TAFA5: variants seen among roughly 807,000 people sequenced by gnomAD.
The protein encoded by TAFA5 is chemokine-like protein TAFA-5.
TAFA5 carries 6 observed loss-of-function variants against 15.3 expected under a neutral mutation model. The ratio of observed to expected loss-of-function variants is 0.39; its 90% CI spans 0.21 to 0.77. The LOEUF (loss-of-function observed/expected upper bound fraction) is 0.77. Ranked by LOEUF, TAFA5 falls within the 30% of genes least tolerant of loss-of-function variation. The probability of loss-of-function intolerance (pLI) is 0.41; values close to 1 mark genes in which losing one functional copy is unlikely to be tolerated. For missense variants in TAFA5, 161 were observed against 193.1 expected, an observed-to-expected ratio of 0.83 and a Z score of 0.98; for synonymous variants, 103 against 80.7, an observed-to-expected ratio of 1.28 and a Z score of -1.48.
chr22:48,698,386 G>C (rs1361677022), intron 2 of TAFA5, among the ~76,000 whole-genome samples: 1 of 148,836 alleles, frequency 6.7e-6, no homozygotes, highest in Non-Finnish European at 1.5e-5. Flanking sequence ...GGAATCAGTT[G>C]ATGATGGTGA....
At position 48,579,307 on chromosome 22, in the gene TAFA5, G is replaced by T. The variant is rs535856143; in HGVS notation, c.113-67290G>T. ...GCCACAGGCCCAGGAAGAAAGCAGGGCCGCAGCGTGGGGTCCGGCACTGGG... is the reference window on the plus strand; with the variant it reads ...GCCACAGGCCCAGGAAGAAAGCAGGTCCGCAGCGTGGGGTCCGGCACTGGG... On this transcript the variant is annotated intron_variant, in intron 1 of 3. Transcript: ENST00000402357. Among the ~76,000 whole-genome samples, 4 of 152,348 alleles carry T rather than the reference G, an allele frequency of 2.6e-5. No homozygotes were observed. The East Asian group carries it at 5.8e-4, about 22-fold the overall frequency.
intron 3 of TAFA5, among the ~76,000 whole-genome samples, chr22:48,734,979 G>C (rs1018412491): frequency 1.3e-5 from 2 of 152,194 alleles, no homozygotes; most frequent in African/African-American, 4.8e-5. Context: ...ATCTGCATGT[G>C]GCGTGAGGAA....
At chr22:48,555,063 G>A (rs558349889) in intron 1 of TAFA5, among the ~76,000 whole-genome samples, 225 of 152,344 alleles carry the variant, frequency 1.5e-3, no homozygotes, top group African/African-American at 5.0e-3. Flanking sequence ...GGCAGCAGGA[G>A]GTCAGACGAC....
chr22:48,598,583 T>C lies in TAFA5; in HGVS notation c.113-48014T>C, dbSNP rs1924853124. Among the ~76,000 whole-genome samples, 1 of 152,186 alleles carries C rather than the reference T, an allele frequency of 6.6e-6. No homozygotes were observed. Among genetic ancestry groups the C allele is most frequent in the Non-Finnish European group, 1.5e-5 (1 of 68,034 alleles). On this transcript the variant is annotated intron_variant, in intron 1 of 3. Transcript: ENST00000402357. The surrounding 1 kb of genome is among the most constrained non-coding windows in gnomAD (Gnocchi z 4.0). ...GACCTCCATGTAGGCTGCCATGGTG[T>C]CACCGGCTGACCTGGTTTCACTCAC...
At chr22:48,506,576 C>T (rs1448075102) in intron 1 of TAFA5, among the ~76,000 whole-genome samples, 3 of 152,298 alleles carry the variant, frequency 2.0e-5, no homozygotes, top group Non-Finnish European at 2.9e-5. Context: ...TCTGTGCCAC[C>T]GTTCCGTAGC....
At chr22:48,585,102 GCA>G (rs750045339) in intron 1 of TAFA5, among the ~76,000 whole-genome samples, 4 of 99,726 alleles carry the variant, frequency 4.0e-5, no homozygotes, top group South Asian at 6.6e-4. Flanking sequence ...CACACACCAC[GCA>G]CACACACACA....
intron 1 of TAFA5, among the ~76,000 whole-genome samples, chr22:48,553,458 C>T (rs779746299): frequency 2.6e-5 from 4 of 152,168 alleles, no homozygotes; most frequent in South Asian, 2.1e-4. Flanking sequence ...CTTCCCTGGC[C>T]GCATGCACTG....
chr22:48,654,026 G>T (rs58187958), intron 2 of TAFA5, among the ~76,000 whole-genome samples: 5,767 of 151,960 alleles, frequency 0.038, 190 homozygotes, highest in East Asian at 0.13. Flanking sequence ...AGGGAAGGGG[G>T]TGGTCTCCTT....
At chr22:48,662,087 T>A (rs1927462403) in intron 2 of TAFA5, among the ~76,000 whole-genome samples, 1 of 152,108 alleles carries the variant, frequency 6.6e-6, no homozygotes, top group Non-Finnish European at 1.5e-5. Flanking sequence ...TACCTGCAAA[T>A]CCAGAAGGCT....
intron 1 of TAFA5, among the ~76,000 whole-genome samples, chr22:48,601,041 A>G (rs1924951362): frequency 6.6e-6 from 1 of 152,192 alleles, no homozygotes; most frequent in African/African-American, 2.4e-5. Context: ...AGAAGGGAGG[A>G]CGTACAGTCA....
intron 2 of TAFA5, among the ~76,000 whole-genome samples, chr22:48,657,692 C>T (rs1409682247): frequency 6.6e-6 from 1 of 152,224 alleles, no homozygotes; most frequent in African/African-American, 2.4e-5. Context: ...GGGACAGTGA[C>T]ATCCATGCCT....
In TAFA5 at chr22:48,505,218, G is replaced by A. The variant is rs545866695; in HGVS notation, c.112+15514G>A. On this transcript the variant is annotated intron_variant, in intron 1 of 3. Coordinates refer to ENST00000402357, the MANE Select transcript of TAFA5 (RefSeq NM_001082967.3). Reference sequence around the variant, plus strand: ...ATGAAACTCTCACGACTCCATCTCCGTGACAAGTCACAACTTCCATCTGTG... The same window carrying A: ...ATGAAACTCTCACGACTCCATCTCCATGACAAGTCACAACTTCCATCTGTG... Among the ~76,000 whole-genome samples the A allele has an allele frequency of 1.5e-4, 23 of 152,298 alleles. 2 individuals are homozygous for A. In the South Asian group the frequency reaches 3.9e-3, roughly 26 times the overall value.
At chr22:48,728,615 A>T (rs1929774280) in intron 3 of TAFA5, among the ~76,000 whole-genome samples, 1 of 152,238 alleles carries the variant, frequency 6.6e-6, no homozygotes, top group Non-Finnish European at 1.5e-5. Flanking sequence ...CATAGAAATA[A>T]CACACGGTAT....
chr22:48,489,749 C>A lies in TAFA5; in HGVS notation c.112+45C>A. 1 of 1,224,610 alleles carries A rather than the reference C, an allele frequency of 8.2e-7. No homozygotes were observed. Among genetic ancestry groups the A allele is most frequent in the East Asian group, 3.4e-5 (1 of 29,112 alleles). The allele number at this position is 1,224,610 out of a possible 1,614,324, so 75.9% of individuals were successfully genotyped here. ...GGCCCCGGCACGGCCCTCTGGGCCC[C>A]GGACCCCCTCCTCCGGCCCCGGCAG... On this transcript the variant is annotated intron_variant, in intron 1 of 3. Coordinates refer to ENST00000402357, the MANE Select transcript of TAFA5 (RefSeq NM_001082967.3). This position sits in a 1 kb window ranked among gnomAD's most constrained non-coding sequence, Gnocchi z 5.5.
chr22:48,594,380 C>G (rs951327148), intron 1 of TAFA5, among the ~76,000 whole-genome samples: 1 of 152,148 alleles, frequency 6.6e-6, no homozygotes, highest in African/African-American at 2.4e-5. Context: ...TTCTGAGCAC[C>G]CGGTGCACAT....
chr22:48,499,074 CG>C (rs1275612864), intron 1 of TAFA5, among the ~76,000 whole-genome samples: 10 of 152,192 alleles, frequency 6.6e-5, no homozygotes, highest in African/African-American at 2.2e-4. Context: ...CCCAGACCGG[CG>C]GAGCTGCTGG....
At chr22:48,729,369 T>G (rs60563408) in intron 3 of TAFA5, among the ~76,000 whole-genome samples, 5,555 of 128,768 alleles carry the variant, frequency 0.043, 337 homozygotes, top group African/African-American at 0.13. Context: ...ATATAATAAT[T>G]TATAAATATA....
chr22:48,708,166 T>C (rs191326063), intron 3 of TAFA5, among the ~76,000 whole-genome samples: 14 of 152,316 alleles, frequency 9.2e-5, no homozygotes, highest in African/African-American at 3.4e-4. Flanking sequence ...CCGGGACTGA[T>C]GTGCCCGTGA....
At chr22:48,629,335 C>G (rs1926132660) in intron 1 of TAFA5, among the ~76,000 whole-genome samples, 1 of 152,168 alleles carries the variant, frequency 6.6e-6, no homozygotes, top group African/African-American at 2.4e-5. Context: ...ACCCAGCGGC[C>G]CCTCCTCGTC....
Sources: allele counts gnomAD v4.1 joint callset (sites outside exome capture counted in the v4.1 genomes callset), GRCh38; gene constraint gnomAD v4.1.1; non-coding constraint Gnocchi (gnomAD v3.1); transcripts MANE v1.5; gene names NCBI Gene and HGNC (gene_info 2026-07-23, HGNC 2026-07-21).